The following ARL5A variants were observed in gnomAD, a reference collection of about 807,000 sequenced individuals.
The protein encoded by ARL5A is ADP-ribosylation factor-like protein 5A.
Under a neutral mutation model 25.9 loss-of-function variants are expected in ARL5A, and 18 were observed. The ratio of observed to expected loss-of-function variants is 0.69; its 90% CI spans 0.48 to 1.03. The LOEUF (loss-of-function observed/expected upper bound fraction) is 1.03. Ranked by LOEUF, ARL5A falls within the 50% of genes least tolerant of loss-of-function variation. ARL5A has a pLI of 0.00. For missense variants in ARL5A, 170 were observed against 211.9 expected, an observed-to-expected ratio of 0.80 and a Z score of 1.23; for synonymous variants, 61 against 67.5, an observed-to-expected ratio of 0.90 and a Z score of 0.47.
At chr2:151,804,257 T>A (rs987288005) in intron 5 of ARL5A, among the ~76,000 whole-genome samples, 3 of 152,132 alleles carry the variant, frequency 2.0e-5, no homozygotes, top group African/African-American at 7.2e-5. Flanking sequence ...CAACTGGTAA[T>A]TGAACATAAC....
chr2:151,815,018 C>T (rs557216844), intron 2 of ARL5A, 121 bp downstream of exon 2: 8 of 750,676 alleles, frequency 1.1e-5, no homozygotes, highest in Non-Finnish European at 1.8e-5. Flanking sequence ...TATAGCCAAC[C>T]TGCTTTCTTA....
In ARL5A at chr2:151,828,355, C is replaced by A; in HGVS notation, c.-179G>T. ...CCGAAGCCCAGGCCGCCCTGCCGCG[C>A]GCAAGGCCCCGCCGCTGCCGCCGCG... On this transcript the variant is annotated 5_prime_UTR_variant, in exon 1 of 6. Coordinates refer to ENST00000295087, the MANE Select transcript of ARL5A (RefSeq NM_012097.4). The A allele has an allele frequency of 2.0e-6, 1 of 496,898 alleles. No homozygotes were observed. The highest frequency in any genetic ancestry group is 2.1e-5 in the African/African-American group (1 of 48,664). 30.8% of individuals were successfully genotyped at this position (496,898 alleles called of 1,614,324 possible).
chr2:151,806,198 T>A (rs922689186), intron 5 of ARL5A, among the ~76,000 whole-genome samples: 2 of 152,154 alleles, frequency 1.3e-5, no homozygotes, highest in African/African-American at 4.8e-5. Context: ...CTCTGGGTGC[T>A]AGACAGGGCA....
At chr2:151,820,395 C>A (rs1459302814) in intron 1 of ARL5A, among the ~76,000 whole-genome samples, 1 of 152,130 alleles carries the variant, frequency 6.6e-6, no homozygotes, top group Non-Finnish European at 1.5e-5. Flanking sequence ...CACAGTGGCT[C>A]ACGCCTGTAA....
intron 5 of ARL5A, among the ~76,000 whole-genome samples, chr2:151,804,397 G>A (rs2099829821): frequency 6.6e-6 from 1 of 152,118 alleles, no homozygotes; most frequent in South Asian, 2.1e-4. Context: ...TCTATGACAA[G>A]CTTTTGCAGA....
At chr2:151,823,395 G>A (rs567506786) in intron 1 of ARL5A, among the ~76,000 whole-genome samples, 3 of 151,852 alleles carry the variant, frequency 2.0e-5, no homozygotes, top group Non-Finnish European at 4.4e-5. Context: ...TAAGTTTCAG[G>A]GGAATAACCA....
Position 151,803,009 on chromosome 2 carries a change from T to C in ARL5A, c.*267A>G, listed in dbSNP as rs1274531503. On this transcript the variant is annotated 3_prime_UTR_variant, in exon 6 of 6. Transcript: ENST00000295087. ...TCTTCCTCTCCCTTTGTACTTACCA[T>C]AGGCTACACAATGTCCTGAGAGGAT... The C allele has an allele frequency of 6.7e-5, 25 of 371,418 alleles. No homozygotes were observed. 23.0% of individuals were successfully genotyped at this position (371,418 alleles called of 1,614,324 possible).
At chr2:151,807,979 T>A (rs947291918) in intron 4 of ARL5A, among the ~76,000 whole-genome samples, 2 of 152,142 alleles carry the variant, frequency 1.3e-5, no homozygotes, top group Non-Finnish European at 2.9e-5. Flanking sequence ...CCTGCCCCAC[T>A]CCTCTCTACC....
intron 1 of ARL5A, 72 bp downstream of exon 1, chr2:151,828,059 C>A: frequency 4.6e-6 from 7 of 1,525,436 alleles, no homozygotes; most frequent in East Asian, 2.4e-5. Context: ...CCGAAGTATT[C>A]GGAGACCCCC....
At chr2:151,815,004 G>C in intron 2 of ARL5A, 135 bp downstream of exon 2, 1 of 690,616 alleles carries the variant, frequency 1.4e-6, no homozygotes, top group Non-Finnish European at 2.5e-6. Context: ...TCTGGCTCCA[G>C]GTTTATAGCC....
chr2:151,823,376 A>T (rs545269491), intron 1 of ARL5A, among the ~76,000 whole-genome samples: 1 of 152,346 alleles, frequency 6.6e-6, no homozygotes, highest in East Asian at 1.9e-4. Context: ...TATTACAGTA[A>T]TGGTAAATTA....
At position 151,809,097 on chromosome 2, in the gene ARL5A, A is replaced by G. The variant is rs536953392; in HGVS notation, c.340-2125T>C. Among the ~76,000 whole-genome samples, 36 of 152,252 alleles carry G rather than the reference A, an allele frequency of 2.4e-4. No homozygotes were observed. In the South Asian group the frequency reaches 6.0e-3, roughly 25 times the overall value. ...CAATAGTTGTTATGTGGCTGAGTCA[A>G]TAAGTAGATGGACTTTCCATGGGAT... is the stretch of plus-strand genomic sequence containing the variant. On this transcript the variant is annotated intron_variant, in intron 4 of 5. Transcript: ENST00000295087.
At chr2:151,814,342 A>ACAATTAG in intron 2 of ARL5A, 26 bp from the exon 3 acceptor site, 1 of 1,451,244 alleles carries the variant, frequency 6.9e-7, no homozygotes, top group Admixed American at 2.6e-5. Flanking sequence ...TATATACATT[A>ACAATTAG]CAATTAGCAA....
intron 1 of ARL5A, among the ~76,000 whole-genome samples, chr2:151,822,614 A>G (rs1301737947): frequency 2.0e-5 from 3 of 152,252 alleles, no homozygotes; most frequent in Admixed American, 2.0e-4. Flanking sequence ...GAATCCCAAT[A>G]TGCCTACTAC....
chr2:151,821,824 G>A (rs1192387655), intron 1 of ARL5A, among the ~76,000 whole-genome samples: 4 of 108,392 alleles, frequency 3.7e-5, no homozygotes, highest in African/African-American at 6.8e-5. Flanking sequence ...GAGTCTCGCC[G>A]TATGCCCAGC....
At chr2:151,816,488 T>C (rs185826490) in intron 1 of ARL5A, among the ~76,000 whole-genome samples, 43 of 152,314 alleles carry the variant, frequency 2.8e-4, no homozygotes, top group Non-Finnish European at 5.9e-4. Flanking sequence ...AATTAAAGAA[T>C]AGCTTATTAC....
intron 1 of ARL5A, among the ~76,000 whole-genome samples, chr2:151,817,313 C>CTGA (rs2099831647): frequency 6.6e-6 from 1 of 152,214 alleles, no homozygotes; most frequent in Admixed American, 6.5e-5. Context: ...AATGAGGCAT[C>CTGA]TTCAACTGTA....
chr2:151,817,287 G>A (rs1490072489), intron 1 of ARL5A, among the ~76,000 whole-genome samples: 1 of 152,136 alleles, frequency 6.6e-6, no homozygotes, highest in Non-Finnish European at 1.5e-5. Flanking sequence ...ATTTACATGT[G>A]CACTAATCTC....
chr2:151,828,001 C>A (rs1171731692), intron 1 of ARL5A, 130 bp downstream of exon 1: 8 of 932,778 alleles, frequency 8.6e-6, no homozygotes, highest in Non-Finnish European at 1.3e-5. Flanking sequence ...CGTATCCGCG[C>A]AGCCTGCACC....
Sources: gnomAD v4.1 joint callset for allele counts (sites outside exome capture counted in the v4.1 genomes callset) on GRCh38, gnomAD v4.1.1 for gene constraint, MANE v1.5 for transcripts, NCBI Gene and HGNC (gene_info 2026-07-23, HGNC 2026-07-21) for gene names.